Variants in PPP3CA observed in about 807,000 individuals in gnomAD.
PPP3CA encodes CAM-PRP catalytic subunit.
PPP3CA carries 14 observed loss-of-function variants against 66.5 expected under a neutral mutation model. That is an observed-to-expected ratio of 0.21 (90% confidence interval 0.14 to 0.33). The LOEUF is 0.33. PPP3CA is among the 10% of genes least tolerant of loss of function. PPP3CA has a pLI of 1.00. For missense variants in PPP3CA, 317 were observed against 639.5 expected (o/e 0.50, Z 5.44); for synonymous variants, 232 against 226.2 (o/e 1.03, Z -0.23).
At position 101,346,984 on chromosome 4, in the gene PPP3CA, C is replaced by A. The variant is rs937356800; in HGVS notation, c.-188G>T. The A allele has an allele frequency of 3.7e-4, 240 of 645,634 alleles. No individual in the cohort carries two copies. The highest frequency in any genetic ancestry group is 1.6e-3 in the Middle Eastern group (4 of 2,576). 40.0% of individuals were successfully genotyped at this position (645,634 alleles called of 1,614,324 possible). ...CCTTTTCCGCGCGTCCCTCCTCCGC[C>A]GCCGCCGCCTTCACTCCTCCTCCGC... is the stretch of plus-strand genomic sequence containing the variant. On this transcript the variant is annotated 5_prime_UTR_variant, in exon 1 of 14. Transcript: ENST00000394854.
chr4:101,346,817 CGACGCGCT>C lies in PPP3CA; in HGVS notation c.-29_-22del. ...GACATCTCCAGCTGCCGGAGGACAG[CGACGCGCT>C]GCTCGTCCGTCCGACTGCACACCCC... On this transcript the variant is annotated 5_prime_UTR_variant, in exon 1 of 14. Transcript: ENST00000394854. 6.2e-7 allele frequency: 1 copy of C among 1,607,362 alleles called. No homozygotes were observed. The highest frequency in any genetic ancestry group is 2.2e-5 in the East Asian group (1 of 44,566).
intron 1 of PPP3CA, among the ~76,000 whole-genome samples, chr4:101,290,567 T>A (rs1222842465): frequency 6.6e-6 from 1 of 152,222 alleles, no homozygotes. Context: ...TCCCTACATA[T>A]GCTGGACAGC....
At chr4:101,101,314 C>T (rs1730431354) in intron 3 of PPP3CA, among the ~76,000 whole-genome samples, 1 of 152,046 alleles carries the variant, frequency 6.6e-6, no homozygotes, top group Non-Finnish European at 1.5e-5. Context: ...TATAGCTGTA[C>T]TTACATGTTT....
At chr4:101,296,712 T>G (rs187038776) in intron 1 of PPP3CA, among the ~76,000 whole-genome samples, 1 of 152,184 alleles carries the variant, frequency 6.6e-6, no homozygotes, top group Non-Finnish European at 1.5e-5. Context: ...CTGTTTCCCA[T>G]TTTTTAAAAT....
chr4:101,063,157 T>C lies in PPP3CA; in HGVS notation c.1081+75A>G, dbSNP rs75710235. On this transcript the variant is annotated intron_variant, in intron 9 of 13. Transcript: ENST00000394854. The stretch of plus-strand genomic sequence containing the variant: ...TATTGGCTGGGCCAAAGTTCTTCTC[T>C]TTCTGAGTGTTTAATCTCCTTTCCT... 1,933 of 1,518,268 alleles carry C rather than the reference T, an allele frequency of 1.3e-3. 20 individuals carry two copies. The East Asian group carries it at 0.018, about 14-fold the overall frequency. 94.0% of individuals were successfully genotyped at this position (1,518,268 alleles called of 1,614,324 possible). A position where few individuals can be genotyped will look rare whatever the true frequency, so the allele number is the denominator to read the frequency against.
intron 2 of PPP3CA, among the ~76,000 whole-genome samples, chr4:101,165,147 A>G (rs1020329920): frequency 6.6e-6 from 1 of 152,136 alleles, no homozygotes; most frequent in Non-Finnish European, 1.5e-5. Context: ...CAACAACAGC[A>G]ACAAACTCAG....
intron 1 of PPP3CA, among the ~76,000 whole-genome samples, chr4:101,341,945 T>C (rs1287429532): frequency 1.3e-5 from 2 of 152,172 alleles, no homozygotes; most frequent in Admixed American, 1.3e-4. Context: ...TGTTTTCCAA[T>C]GAGGTCACCC....
chr4:101,148,552 T>C (rs1295911260), intron 2 of PPP3CA, among the ~76,000 whole-genome samples: 1 of 152,162 alleles, frequency 6.6e-6, no homozygotes, highest in Non-Finnish European at 1.5e-5. Context: ...CTTGATATAC[T>C]TTTCTTAAGG....
At chr4:101,328,433 C>T (rs1046020184) in intron 1 of PPP3CA, among the ~76,000 whole-genome samples, 3 of 152,194 alleles carry the variant, frequency 2.0e-5, no homozygotes, top group East Asian at 1.9e-4. Context: ...AAACAATTCA[C>T]ATTTGCATCT....
chr4:101,248,954 AT>A (rs1198128121), intron 1 of PPP3CA, among the ~76,000 whole-genome samples: 3 of 151,572 alleles, frequency 2.0e-5, no homozygotes, highest in Non-Finnish European at 2.9e-5. Flanking sequence ...AAGTCAGGAG[AT>A]AGAGACCATC....
At chr4:101,206,519 T>C (rs542629747) in intron 1 of PPP3CA, among the ~76,000 whole-genome samples, 19 of 152,326 alleles carry the variant, frequency 1.2e-4, no homozygotes, top group Admixed American at 2.0e-4. Context: ...AAAGAAACTT[T>C]CAAGTAATTA....
intron 2 of PPP3CA, among the ~76,000 whole-genome samples, chr4:101,134,780 G>A (rs748212111): frequency 3.3e-5 from 5 of 152,142 alleles, no homozygotes; most frequent in Non-Finnish European, 7.3e-5. Context: ...ACATGCACAC[G>A]TATGTTTATT....
At chr4:101,164,674 C>T (rs1372861823) in intron 2 of PPP3CA, among the ~76,000 whole-genome samples, 1 of 150,582 alleles carries the variant, frequency 6.6e-6, no homozygotes, top group Admixed American at 6.7e-5. Context: ...AGATCACTTA[C>T]TTCAGTGGTT....
In PPP3CA at chr4:101,087,583, C is replaced by T. The variant is rs531808204; in HGVS notation, c.783-4320G>A. ...GGAATCATACAGTATCTACTGGTCA[C>T]TATCGGCTTCTTTCACTCGTCATTA... is the stretch of plus-strand genomic sequence containing the variant. On this transcript the variant is annotated intron_variant, in intron 6 of 13. Transcript: ENST00000394854. Among the ~76,000 whole-genome samples, 7 of 152,232 alleles carry T rather than the reference C, an allele frequency of 4.6e-5. No homozygotes were observed. In the South Asian group the frequency reaches 1.4e-3, roughly 32 times the overall value.
intron 2 of PPP3CA, among the ~76,000 whole-genome samples, chr4:101,186,347 GA>G (rs1304648099): frequency 6.6e-6 from 1 of 152,100 alleles, no homozygotes; most frequent in East Asian, 1.9e-4. Context: ...TATTATTTGG[GA>G]AATGTAAAAT....
chr4:101,111,825 T>C (rs908146281), intron 2 of PPP3CA, among the ~76,000 whole-genome samples: 4 of 152,184 alleles, frequency 2.6e-5, no homozygotes, highest in African/African-American at 9.7e-5. Flanking sequence ...TTCTGGAGTC[T>C]AATAAGAATT....
chr4:101,083,140 G>T, intron 7 of PPP3CA, 46 bp downstream of exon 7: 1 of 1,346,646 alleles, frequency 7.4e-7, no homozygotes, highest in Non-Finnish European at 9.7e-7. Flanking sequence ...GGAAGTTCTG[G>T]AAAATGGACA....
chr4:101,255,560 T>A (rs1726814450), intron 1 of PPP3CA, among the ~76,000 whole-genome samples: 1 of 151,870 alleles, frequency 6.6e-6, no homozygotes, highest in Non-Finnish European at 1.5e-5. Flanking sequence ...TTATTATATT[T>A]ATCACATTCT....
At chr4:101,136,586 C>G (rs1722629583) in intron 2 of PPP3CA, among the ~76,000 whole-genome samples, 1 of 151,614 alleles carries the variant, frequency 6.6e-6, no homozygotes, top group Non-Finnish European at 1.5e-5. Flanking sequence ...AAGGAGCACT[C>G]CAGTATTATA....
Sources: gnomAD v4.1 joint callset for allele counts (sites outside exome capture counted in the v4.1 genomes callset) on GRCh38, gnomAD v4.1.1 for gene constraint, MANE v1.5 for transcripts, NCBI Gene and HGNC (gene_info 2026-07-23, HGNC 2026-07-21) for gene names.